The following PLA2G6 variants were observed in gnomAD, a reference collection of about 807,000 sequenced individuals.
PLA2G6 encodes the protein phospholipase A2 group VI.
PLA2G6 carries 62 observed loss-of-function variants against 83.8 expected under a neutral mutation model. That is an observed-to-expected ratio of 0.74 (90% CI 0.60 to 0.91). The LOEUF (loss-of-function observed/expected upper bound fraction) is 0.91. Ranked by LOEUF, PLA2G6 falls within the 40% of genes least tolerant of loss-of-function variation. The probability of loss-of-function intolerance (pLI) is 0.00; values close to 1 mark genes in which losing one functional copy is unlikely to be tolerated. For missense variants in PLA2G6, 944 were observed against 1,102.0 expected (o/e 0.86, Z 2.03); for synonymous variants, 417 against 449.8 (o/e 0.93, Z 0.92).
chr22:38,116,438 G>T (rs1569244969), intron 12 of PLA2G6: 1 of 698,160 alleles, frequency 1.4e-6, no homozygotes, highest in Non-Finnish European at 2.7e-6. Flanking sequence ...GCAAAAGTTG[G>T]TTTTTTTGAA....
chr22:38,116,322 C>T, intron 12 of PLA2G6, 111 bp from the exon 13 acceptor site: 1 of 1,202,234 alleles, frequency 8.3e-7, no homozygotes, highest in Non-Finnish European at 1.2e-6. Context: ...ACTCCAACCT[C>T]TGTTCGGGAT....
Position 38,112,201 on chromosome 22 carries a change from T to C in PLA2G6, c.2381A>G (p.Glu794Gly), listed in dbSNP as rs933380615. 1 of 1,605,106 alleles carries C rather than the reference T, an allele frequency of 6.2e-7. No individual in the cohort carries two copies. The highest frequency in any genetic ancestry group is 1.3e-5 in the African/African-American group (1 of 74,728). ...CAGCTGGATGAGCTTCTGGAACTCC[T>C]CGCGGTGCTCATAGATGTAGACCTC... The part of the protein sequence containing the change: ...ETEVYIYEHR[E>G]EFQKLIQLLL... Residue 794 changes from glutamate (E) to glycine (G), a missense_variant, in exon 17 of 17, where the codon GAG becomes GGG. Coordinates refer to ENST00000332509, the MANE Select transcript of PLA2G6 (RefSeq NM_003560.4).
chr22:38,114,600 G>C (rs535571447), intron 14 of PLA2G6, among the ~76,000 whole-genome samples: 1 of 152,190 alleles, frequency 6.6e-6, no homozygotes, highest in Non-Finnish European at 1.5e-5. Context: ...AGGAGAGTTA[G>C]ACTGGCTAGT....
intron 9 of PLA2G6, chr22:38,127,153 C>G: frequency 8.7e-7 from 1 of 1,144,428 alleles, no homozygotes. Context: ...CTCTGACAGC[C>G]CCCCACCACT....
intron 16 of PLA2G6, 65 bp downstream of exon 16, chr22:38,112,439 G>C: frequency 2.0e-6 from 3 of 1,507,202 alleles, no homozygotes; most frequent in Non-Finnish European, 2.7e-6. Context: ...GGCTGGGAGG[G>C]GAAGGTCGGT....
Position 38,128,455 on chromosome 22 carries a change from G to C in PLA2G6, c.1187-25C>G. The C allele has an allele frequency of 6.2e-7, 1 of 1,612,562 alleles. No homozygotes were observed. Among genetic ancestry groups the C allele is most frequent in the Non-Finnish European group, 8.5e-7 (1 of 1,178,896 alleles). ...ACTTGTCATGGTTTGGGGAAGGGGA[G>C]ATGGCACAGGATCAGAAATGATGTC... On this transcript the variant is annotated intron_variant, in intron 8 of 16. Coordinates refer to ENST00000332509, the MANE Select transcript of PLA2G6 (RefSeq NM_003560.4). This position sits in a 1 kb window ranked among gnomAD's most constrained non-coding sequence, Gnocchi z 4.4.
intron 1 of PLA2G6, among the ~76,000 whole-genome samples, chr22:38,176,639 G>A (rs1045519524): frequency 2.6e-5 from 4 of 152,150 alleles, no homozygotes; most frequent in African/African-American, 9.7e-5. Flanking sequence ...CACAGCACGG[G>A]AGCATGCCAC....
In PLA2G6 at chr22:38,162,991, C is replaced by T. The variant is rs182133050; in HGVS notation, c.209+6227G>A. On this transcript the variant is annotated intron_variant, in intron 2 of 16. Transcript: ENST00000332509. ...AGGCTGAAGCCACCTGGCCTCCACT[C>T]AGAAGCCTCTGCTGTGTCTCTGCTG... Among the ~76,000 whole-genome samples the T allele has an allele frequency of 2.1e-4, 32 of 152,288 alleles. No homozygotes were observed. The East Asian group carries it at 3.9e-3, about 18-fold the overall frequency.
At chr22:38,179,034 G>A (rs8137578) in intron 1 of PLA2G6, among the ~76,000 whole-genome samples, 16 of 152,358 alleles carry the variant, frequency 1.1e-4, no homozygotes, top group African/African-American at 3.8e-4. Flanking sequence ...AATGGGGATA[G>A]GAAGTGCTGA....
intron 4 of PLA2G6, chr22:38,140,468 A>G (rs1243371521): frequency 7.7e-6 from 3 of 389,470 alleles, no homozygotes; most frequent in Non-Finnish European, 1.5e-5. Flanking sequence ...AGATTGCATC[A>G]TTGCACTCTA....
rs2086888047 is a variant in PLA2G6, at chr22:38,111,886, G to A, written c.*275C>T. On this transcript the variant is annotated 3_prime_UTR_variant, in exon 17 of 17. Transcript: ENST00000332509. Reference sequence around the variant, plus strand: ...GGGTACCCTTAATGTTTGAGCTGATGGGGGAGTCAGTTGTCCTTGACAGTC... The same window carrying A: ...GGGTACCCTTAATGTTTGAGCTGATAGGGGAGTCAGTTGTCCTTGACAGTC... 1 of 518,560 alleles carries A rather than the reference G, an allele frequency of 1.9e-6. No homozygotes were observed. Among genetic ancestry groups the A allele is most frequent in the East Asian group, 3.5e-5 (1 of 28,794 alleles). The allele number at this position is 518,560 out of a possible 1,614,324, so 32.1% of individuals were successfully genotyped here. A position where few individuals can be genotyped will look rare whatever the true frequency, so the allele number is the denominator to read the frequency against.
chr22:38,116,057 A>T lies in PLA2G6; in HGVS notation c.1879+18T>A. The T allele has an allele frequency of 6.2e-7, 1 of 1,613,180 alleles. No homozygotes were observed. Among genetic ancestry groups the T allele is most frequent in the Non-Finnish European group, 8.5e-7 (1 of 1,179,778 alleles). On this transcript the variant is annotated intron_variant, in intron 13 of 16. Transcript: ENST00000332509. The stretch of plus-strand genomic sequence containing the variant: ...CGGGCCAGTCGCTTCCCATGGATGC[A>T]TCAAACATGGTTTAAACCTGAGGGC...
At chr22:38,138,143 T>A (rs2088667884) in intron 5 of PLA2G6, 1 of 152,390 alleles carries the variant, frequency 6.6e-6, no homozygotes, top group Non-Finnish European at 1.5e-5. Flanking sequence ...TTACAGCTCC[T>A]GCCCAGTACA....
At chr22:38,121,203 C>A (rs994014310) in intron 11 of PLA2G6, among the ~76,000 whole-genome samples, 4 of 152,028 alleles carry the variant, frequency 2.6e-5, no homozygotes, top group Admixed American at 1.3e-4. Flanking sequence ...CATGGTGAAA[C>A]CCCGTCTATT....
intron 3 of PLA2G6, chr22:38,143,562 A>T: frequency 5.4e-6 from 3 of 557,298 alleles, no homozygotes; most frequent in Non-Finnish European, 9.9e-6. Context: ...GTGGCACAGG[A>T]AAGGGTCACA....
intron 7 of PLA2G6, 33 bp from the exon 8 acceptor site, chr22:38,129,595 A>C (rs759783011): frequency 7.8e-6 from 12 of 1,536,896 alleles, no homozygotes; most frequent in Non-Finnish European, 1.1e-5. Context: ...AAGACGTGCA[A>C]CTGCCGGGGA....
At chr22:38,174,134 C>T (rs991803560) in intron 1 of PLA2G6, among the ~76,000 whole-genome samples, 10 of 152,140 alleles carry the variant, frequency 6.6e-5, no homozygotes, top group Non-Finnish European at 1.0e-4. Flanking sequence ...CAGTGGCTCA[C>T]GCCTGTAATC....
rs750208766 is a variant in PLA2G6 at position 38,134,993 on chromosome 22, C to T, written c.889G>A (p.Ala297Thr). ...GASPLHWAKN[A>T]EMARMLLKRG... is the part of the protein sequence containing the mutation. The stretch of plus-strand genomic sequence containing the variant: ...CCACCTCAGGATCCACTCACCTCTG[C>T]GTTCTTGGCCCAGTGGAGGGGGCTG... The change falls in exon 6 of 17, where the codon GCA becomes ACA. Residue 297 changes from alanine to threonine, a missense_variant. Coordinates refer to ENST00000332509, the MANE Select transcript of PLA2G6 (RefSeq NM_003560.4). The T allele has an allele frequency of 6.1e-6, 8 of 1,307,420 alleles. No homozygotes were observed. Among genetic ancestry groups the T allele is most frequent in the Middle Eastern group, 1.9e-4 (1 of 5,162 alleles). 81.0% of individuals were successfully genotyped at this position (1,307,420 alleles called of 1,614,324 possible). A position where few individuals can be genotyped will look rare whatever the true frequency, so the allele number is the denominator to read the frequency against.
intron 5 of PLA2G6, chr22:38,136,826 C>T (rs1191889483): frequency 6.8e-6 from 1 of 146,824 alleles, no homozygotes; most frequent in Non-Finnish European, 1.5e-5. Context: ...GACTGCCTGA[C>T]TTTGAGCAAA....
Sources: allele counts gnomAD v4.1 joint callset (sites outside exome capture counted in the v4.1 genomes callset), GRCh38; gene constraint gnomAD v4.1.1; non-coding constraint Gnocchi (gnomAD v3.1); transcripts MANE v1.5; gene names NCBI Gene and HGNC (gene_info 2026-07-23, HGNC 2026-07-21).